The following ANKRD11 variants were observed in gnomAD, a reference collection of about 807,000 sequenced individuals.
ANKRD11 encodes ankyrin repeat domain 11, also known as ankyrin repeat domain-containing protein 11.
In ANKRD11, 17 loss-of-function variants were observed where a neutral mutation model predicts 195.7. The ratio of observed to expected loss-of-function variants is 0.09; its 90% CI spans 0.06 to 0.13. The LOEUF is 0.13. ANKRD11 is among the 10% of genes least tolerant of loss of function. The probability of loss-of-function intolerance (pLI) is 1.00; values close to 1 mark genes in which losing one functional copy is unlikely to be tolerated. For missense variants in ANKRD11, 3,735 were observed against 3,566.1 expected (o/e 1.05, Z -1.21); for synonymous variants, 1,953 against 1,528.1 (o/e 1.28, Z -6.49).
At chr16:89,269,339 T>C (rs1239418048) in intron 12 of ANKRD11, among the ~76,000 whole-genome samples, 1 of 152,178 alleles carries the variant, frequency 6.6e-6, no homozygotes, top group Non-Finnish European at 1.5e-5. Flanking sequence ...GATGGGGTTT[T>C]GCGATGTTGG....
chr16:89,450,305 C>T (rs1489998660), intron 1 of ANKRD11, among the ~76,000 whole-genome samples: 5 of 152,132 alleles, frequency 3.3e-5, no homozygotes, highest in African/African-American at 1.2e-4. Context: ...CATTCACCCC[C>T]CATTTTGTAA....
In ANKRD11 at chr16:89,280,552, G is replaced by A. The variant is rs370272709; in HGVS notation, c.5990C>T (p.Ala1997Val). ...FPESPKRFCP[A>V]DPLHSAAPGP... ...TGGGGCGGCAGAGTGGAGGGGGTCC[G>A]CGGGGCAGAAACGCTTTGGGGACTC... is the stretch of plus-strand genomic sequence containing the variant. The change falls in exon 9 of 13, where the codon GCG (alanine) becomes GTG (valine). Residue 1997 changes from alanine (A) to valine (V), a missense_variant. Transcript: ENST00000301030. The A allele has an allele frequency of 2.2e-5, 35 of 1,612,862 alleles. No individual in the cohort carries two copies. Among genetic ancestry groups the A allele is most frequent in the East Asian group, 8.9e-5 (4 of 44,876 alleles).
rs571853800 is a variant in ANKRD11 at position 89,444,809 on chromosome 16, AAG to A, written c.-144-26443_-144-26442del. On this transcript the variant is annotated intron_variant, in intron 1 of 12. Transcript: ENST00000301030. ...AAATAAATAAATAAAATGTAAAAAA[AAG>A]AGAAATTCTACCAAATAAAGATCAA... Among the ~76,000 whole-genome samples, 794 of 152,278 alleles carry A rather than the reference AAG, an allele frequency of 5.2e-3. 5 individuals are homozygous for A. The highest frequency in any genetic ancestry group is 0.019 in the African/African-American group (769 of 41,562).
Position 89,291,080 on chromosome 16 carries a change from G to T in ANKRD11, c.330C>A (p.Pro110=), listed in dbSNP as rs142575773. The part of the protein sequence containing the change: ...MGLSGIRAGY[P]LSERQQVALL... Reference sequence around the variant, plus strand: ...GGGCCACCTGCTGGCGCTCGGAGAGGGGGTAGCCGGCTCGGATTCCAGACA... The same window carrying T: ...GGGCCACCTGCTGGCGCTCGGAGAGTGGGTAGCCGGCTCGGATTCCAGACA... Residue 110 remains proline, a synonymous_variant, in exon 5 of 13, where the codon CCC becomes CCA. Coordinates refer to ENST00000301030, the MANE Select transcript of ANKRD11 (RefSeq NM_013275.6). This position sits in a 1 kb window ranked among gnomAD's most constrained non-coding sequence, Gnocchi z 5.3. 4.3e-6 allele frequency: 7 copies of T among 1,613,562 alleles called. No homozygotes were observed. The African/African-American group carries it at 6.7e-5, about 15-fold the overall frequency.
At chr16:89,337,058 C>T (rs528411768) in intron 2 of ANKRD11, among the ~76,000 whole-genome samples, 1 of 146,212 alleles carries the variant, frequency 6.8e-6, no homozygotes, top group East Asian at 2.0e-4. Context: ...TGGTGGTGCA[C>T]ACCTGCAGTC....
intron 2 of ANKRD11, among the ~76,000 whole-genome samples, chr16:89,321,397 C>CGGGACTGTGGGGAG (rs913219241): frequency 2.2e-5 from 2 of 92,492 alleles, no homozygotes; most frequent in African/African-American, 4.4e-5. Context: ...GGCTGCAGGG[C>CGGGACTGTGGGGAG]GGGACTGTGG....
chr16:89,432,925 C>T (rs2043044712), intron 1 of ANKRD11, among the ~76,000 whole-genome samples: 1 of 148,002 alleles, frequency 6.8e-6, no homozygotes, highest in African/African-American at 2.5e-5. Flanking sequence ...ACACTCCAGC[C>T]ATGGGTGACA....
chr16:89,327,608 C>T (rs1320472506), intron 2 of ANKRD11, among the ~76,000 whole-genome samples: 3 of 152,166 alleles, frequency 2.0e-5, no homozygotes, highest in African/African-American at 4.8e-5. Context: ...ACAGTACCAT[C>T]CTATTTCTGC....
intron 2 of ANKRD11, among the ~76,000 whole-genome samples, chr16:89,410,510 C>T (rs1405550351): frequency 1.3e-5 from 2 of 152,124 alleles, no homozygotes; most frequent in Admixed American, 6.5e-5. Context: ...CGCAGAGCCA[C>T]GGAAGGGAAA....
At chr16:89,470,493 T>C (rs1447193422) in intron 1 of ANKRD11, among the ~76,000 whole-genome samples, 1 of 149,572 alleles carries the variant, frequency 6.7e-6, no homozygotes, top group Non-Finnish European at 1.5e-5. Flanking sequence ...TAGGGAATAC[T>C]GGTTAACACC....
intron 4 of ANKRD11, among the ~76,000 whole-genome samples, chr16:89,297,087 A>G (rs1167466734): frequency 6.6e-6 from 1 of 151,914 alleles, no homozygotes; most frequent in Non-Finnish European, 1.5e-5. Flanking sequence ...GCTCCAAGGC[A>G]GAGACCCTGA....
At chr16:89,323,142 C>G in intron 2 of ANKRD11, 1 of 365,158 alleles carries the variant, frequency 2.7e-6, no homozygotes, top group South Asian at 2.1e-5. Context: ...AAGGGAGAAG[C>G]ACGGTCTCCA....
At chr16:89,397,489 C>G (rs1027255463) in intron 2 of ANKRD11, among the ~76,000 whole-genome samples, 2 of 152,352 alleles carry the variant, frequency 1.3e-5, no homozygotes, top group East Asian at 3.9e-4. Context: ...TTCCCCGTGG[C>G]GGGCCTTGCT....
intron 1 of ANKRD11, among the ~76,000 whole-genome samples, chr16:89,447,091 G>A (rs762268184): frequency 4.6e-5 from 7 of 151,998 alleles, no homozygotes; most frequent in Non-Finnish European, 7.4e-5. Context: ...CACCGAGCAC[G>A]TGACTGCATG....
chr16:89,311,692 G>A (rs530269897), intron 3 of ANKRD11, among the ~76,000 whole-genome samples: 103 of 152,318 alleles, frequency 6.8e-4, no homozygotes, highest in Non-Finnish European at 1.2e-3. Flanking sequence ...AAGAGAGCAC[G>A]AGTTCTAGAA....
chr16:89,442,389 G>C (rs1237413449), intron 1 of ANKRD11, among the ~76,000 whole-genome samples: 1 of 152,162 alleles, frequency 6.6e-6, no homozygotes, highest in African/African-American at 2.4e-5. Context: ...ATCTGTCTCA[G>C]AAAACCACCT....
At chr16:89,442,141 C>T (rs1313704815) in intron 1 of ANKRD11, among the ~76,000 whole-genome samples, 1 of 152,226 alleles carries the variant, frequency 6.6e-6, no homozygotes, top group African/African-American at 2.4e-5. Flanking sequence ...GCACCGAGGG[C>T]CAAGGCGAAG....
chr16:89,489,217 ACACACACACGCGCG>A (rs1004823679), intron 1 of ANKRD11: 1 of 110,064 alleles, frequency 9.1e-6, no homozygotes, highest in African/African-American at 3.2e-5. Context: ...CCCTACACAC[ACACACACACGCGCG>A]CGCGCGCGCG....
intron 2 of ANKRD11, among the ~76,000 whole-genome samples, chr16:89,340,922 T>C (rs79845747): frequency 0.015 from 2,254 of 152,272 alleles, 49 homozygotes; most frequent in African/African-American, 0.051. Context: ...AATGTCCAAA[T>C]GTGGGCAGTG....
Sources: allele counts gnomAD v4.1 joint callset (sites outside exome capture counted in the v4.1 genomes callset), GRCh38; gene constraint gnomAD v4.1.1; non-coding constraint Gnocchi (gnomAD v3.1); transcripts MANE v1.5; gene names NCBI Gene and HGNC (gene_info 2026-07-23, HGNC 2026-07-21).